Variants in WDR70 observed in about 807,000 individuals in gnomAD.
WDR70 encodes WD repeat domain 70.
In WDR70, 53 loss-of-function variants were observed where a neutral mutation model predicts 88.6. That is an observed-to-expected ratio of 0.60 (90% CI 0.48 to 0.75). The LOEUF is 0.75. Ranked by LOEUF, WDR70 falls within the 30% of genes least tolerant of loss-of-function variation. The pLI, the probability that WDR70 is intolerant of heterozygous loss-of-function variation, is 0.00. For synonymous variants in WDR70, 280 were observed against 270.0 expected (o/e 1.04, Z -0.36); for missense variants, 610 against 823.2 (o/e 0.74, Z 3.17).
At chr5:37,614,165 G>A (rs760757118) in intron 10 of WDR70, among the ~76,000 whole-genome samples, 9 of 152,162 alleles carry the variant, frequency 5.9e-5, no homozygotes, top group Non-Finnish European at 1.3e-4. Context: ...AGGCTCCAGG[G>A]AGAATCTCTT....
chr5:37,583,262 TA>T (rs1181654559), intron 9 of WDR70, among the ~76,000 whole-genome samples: 1 of 151,810 alleles, frequency 6.6e-6, no homozygotes, highest in African/African-American at 2.4e-5. Flanking sequence ...CCTTCTCTAC[TA>T]AAAATACAAA....
intron 9 of WDR70, among the ~76,000 whole-genome samples, chr5:37,600,526 C>CAAAAAAAAAA (rs552804920): frequency 3.0e-5 from 3 of 101,242 alleles, no homozygotes; most frequent in Non-Finnish European, 3.9e-5. Context: ...GACTCCGTCT[C>CAAAAAAAAAA]AAAAAAAAAA....
intron 10 of WDR70, among the ~76,000 whole-genome samples, chr5:37,693,090 C>T (rs1410009354): frequency 6.6e-6 from 1 of 152,124 alleles, no homozygotes; most frequent in African/African-American, 2.4e-5. Context: ...ACAGCCAAAT[C>T]ATGAGTGAAC....
chr5:37,751,498 A>G (rs1748807555), intron 17 of WDR70, among the ~76,000 whole-genome samples: 1 of 152,242 alleles, frequency 6.6e-6, no homozygotes. Context: ...TGGATGGTTT[A>G]TGCTTTTTCC....
At chr5:37,590,095 A>G (rs1349628757) in intron 9 of WDR70, among the ~76,000 whole-genome samples, 1 of 152,168 alleles carries the variant, frequency 6.6e-6, no homozygotes, top group African/African-American at 2.4e-5. Context: ...TCCTTCAGAA[A>G]TGTTTAATTA....
chr5:37,534,499 C>CTT (rs369030841), intron 9 of WDR70, among the ~76,000 whole-genome samples: 56,149 of 132,696 alleles, frequency 0.42, 13,686 homozygotes, highest in Non-Finnish European at 0.53. Flanking sequence ...ACAAATCAGG[C>CTT]TTTTTTTTTT....
intron 17 of WDR70, among the ~76,000 whole-genome samples, chr5:37,738,387 G>A (rs1748367173): frequency 6.6e-6 from 1 of 152,106 alleles, no homozygotes; most frequent in Non-Finnish European, 1.5e-5. Flanking sequence ...TATGCTTTTT[G>A]AAGGAATCAT....
chr5:37,593,676 C>G lies in WDR70; in HGVS notation c.918-11388C>G, dbSNP rs529355619. Among the ~76,000 whole-genome samples the G allele has an allele frequency of 3.9e-5, 6 of 152,198 alleles. No individual in the cohort carries two copies. The South Asian group carries it at 6.2e-4, about 16-fold the overall frequency. ...TTGGGTATATACCCAGTAATGGGATCACTGGGTCAAATGGTATTTCTAGTT... is the reference window on the plus strand; with the variant it reads ...TTGGGTATATACCCAGTAATGGGATGACTGGGTCAAATGGTATTTCTAGTT... On this transcript the variant is annotated intron_variant, in intron 9 of 17. Transcript: ENST00000265107.
At chr5:37,412,630 C>T (rs1486267583) in intron 5 of WDR70, among the ~76,000 whole-genome samples, 1 of 152,168 alleles carries the variant, frequency 6.6e-6, no homozygotes, top group Non-Finnish European at 1.5e-5. Flanking sequence ...TTGTGAGCAC[C>T]TGTTCTCCAT....
At chr5:37,634,183 C>T (rs1354173081) in intron 10 of WDR70, among the ~76,000 whole-genome samples, 1 of 151,570 alleles carries the variant, frequency 6.6e-6, no homozygotes, top group Non-Finnish European at 1.5e-5. Flanking sequence ...CCTGTAGTCC[C>T]AGCTACTCGG....
At chr5:37,461,095 T>C (rs1411944522) in intron 7 of WDR70, among the ~76,000 whole-genome samples, 2 of 126,982 alleles carry the variant, frequency 1.6e-5, no homozygotes, top group Non-Finnish European at 3.4e-5. Context: ...CAAATAAATA[T>C]TTCTAACCTC....
At chr5:37,524,524 A>C (rs1450390363) in intron 9 of WDR70, among the ~76,000 whole-genome samples, 2 of 152,222 alleles carry the variant, frequency 1.3e-5, no homozygotes, top group African/African-American at 4.8e-5. Flanking sequence ...CACTGCAAAA[A>C]AAATGCCAAA....
At chr5:37,525,674 A>T (rs1741244069) in intron 9 of WDR70, among the ~76,000 whole-genome samples, 1 of 152,208 alleles carries the variant, frequency 6.6e-6, no homozygotes, top group South Asian at 2.1e-4. Flanking sequence ...ACCCTTCAAA[A>T]AATCAGTGAA....
chr5:37,468,222 T>C (rs1739222426), intron 7 of WDR70, among the ~76,000 whole-genome samples: 1 of 152,336 alleles, frequency 6.6e-6, no homozygotes, highest in East Asian at 1.9e-4. Context: ...ATTGCACTTG[T>C]TGATGTAAAT....
At chr5:37,468,755 G>A (rs1739236923) in intron 7 of WDR70, among the ~76,000 whole-genome samples, 1 of 152,148 alleles carries the variant, frequency 6.6e-6, no homozygotes. Flanking sequence ...AAAAAAAATT[G>A]CATCTGTACT....
chr5:37,523,597 C>T (rs1027882248), intron 9 of WDR70, among the ~76,000 whole-genome samples: 4 of 152,200 alleles, frequency 2.6e-5, no homozygotes, highest in South Asian at 2.1e-4. Flanking sequence ...AGGAATGCAG[C>T]TCTTCACCAG....
At chr5:37,459,317 G>C (rs1247522493) in intron 7 of WDR70, among the ~76,000 whole-genome samples, 1 of 145,696 alleles carries the variant, frequency 6.9e-6, no homozygotes, top group African/African-American at 2.5e-5. Context: ...ATTTGGGGTG[G>C]AGAGTTCTGT....
At chr5:37,639,152 G>A (rs758858474) in intron 10 of WDR70, among the ~76,000 whole-genome samples, 4 of 152,226 alleles carry the variant, frequency 2.6e-5, no homozygotes, top group Middle Eastern at 3.4e-3. Flanking sequence ...TCTTTCCCTA[G>A]TTGCTTATTT....
At chr5:37,711,973 T>C (rs999411309) in intron 13 of WDR70, among the ~76,000 whole-genome samples, 2 of 148,588 alleles carry the variant, frequency 1.3e-5, no homozygotes, top group African/African-American at 4.9e-5. Flanking sequence ...GGAATTTCAG[T>C]GCATATATTT....
Sources: gnomAD v4.1 joint callset for allele counts (sites outside exome capture counted in the v4.1 genomes callset) on GRCh38, gnomAD v4.1.1 for gene constraint, MANE v1.5 for transcripts, NCBI Gene and HGNC (gene_info 2026-07-23, HGNC 2026-07-21) for gene names.